Variants in SLC4A4 observed in about 807,000 individuals in gnomAD.
SLC4A4 encodes the protein solute carrier family 4 member 4, also known as electrogenic sodium bicarbonate cotransporter 1.
In SLC4A4, 27 loss-of-function variants were observed where a neutral mutation model predicts 111.5. The observed-to-expected ratio is 0.24, with a 90% CI of 0.18 to 0.33. The LOEUF (loss-of-function observed/expected upper bound fraction) is 0.33, where lower values mean the gene tolerates loss of function less well. Ranked by LOEUF, SLC4A4 falls within the 10% of genes least tolerant of loss-of-function variation. The pLI is 1.00. For synonymous variants in SLC4A4, 443 were observed against 463.4 expected (o/e 0.96, Z 0.57); for missense variants, 909 against 1,315.5 (o/e 0.69, Z 4.78).
intron 7 of SLC4A4, among the ~76,000 whole-genome samples, chr4:71,426,793 A>G (rs1723182812): frequency 2.0e-5 from 3 of 152,166 alleles, no homozygotes; most frequent in Admixed American, 1.3e-4. Flanking sequence ...GGGTAAAGGC[A>G]GGAAGATACC....
At position 71,216,052 on chromosome 4, in the gene SLC4A4, G is replaced by A. The variant is rs963547015; in HGVS notation, c.-1-20524G>A. Among the ~76,000 whole-genome samples the A allele has an allele frequency of 2.6e-5, 4 of 151,984 alleles. No individual in the cohort carries two copies. In the East Asian group the frequency reaches 7.7e-4, roughly 29 times the overall value. ...GCCTCCCAAGAAGCTGGGATTACAG[G>A]CGTGCACCACCAGGCCTGGCTAACT... is the stretch of plus-strand genomic sequence containing the variant. On this transcript the variant is annotated intron_variant, in intron 1 of 25. Coordinates refer to ENST00000264485, the MANE Select transcript of SLC4A4 (RefSeq NM_001098484.3).
At chr4:71,063,646 A>G (rs192680827) in intron 1 of SLC4A4, among the ~76,000 whole-genome samples, 73 of 152,272 alleles carry the variant, frequency 4.8e-4, no homozygotes, top group African/African-American at 1.7e-3. Context: ...ATTATTTTAC[A>G]TAACTGTATA....
intron 2 of SLC4A4, among the ~76,000 whole-genome samples, chr4:71,140,647 A>T (rs879689930): frequency 1.3e-5 from 2 of 152,158 alleles, no homozygotes; most frequent in Non-Finnish European, 2.9e-5. Flanking sequence ...TGCACCATTT[A>T]CACTGCATTA....
chr4:71,134,767 T>C (rs1394703455), intron 2 of SLC4A4, among the ~76,000 whole-genome samples: 1 of 152,228 alleles, frequency 6.6e-6, no homozygotes, highest in Non-Finnish European at 1.5e-5. Context: ...CACAAGGCTG[T>C]ACTAGTCCAC....
intron 7 of SLC4A4, among the ~76,000 whole-genome samples, chr4:71,438,363 G>A (rs1031258527): frequency 5.3e-5 from 8 of 152,166 alleles, no homozygotes; most frequent in Non-Finnish European, 1.2e-4. Flanking sequence ...GACTATGTGA[G>A]CTTCTTTTAA....
chr4:71,274,020 C>T lies in SLC4A4; in HGVS notation c.253+18621C>T, dbSNP rs531942324. 3.9e-4 allele frequency among the ~76,000 whole-genome samples: 59 copies of T among 152,182 alleles called. 1 individual carries two copies. The highest frequency in any genetic ancestry group is 3.4e-3 in the Middle Eastern group (1 of 294). On this transcript the variant is annotated intron_variant, in intron 3 of 25. Coordinates refer to ENST00000264485, the MANE Select transcript of SLC4A4 (RefSeq NM_001098484.3). ...GGAGTTAGGGGCACTGACCTAACAC[C>T]GTCAAATCTGTGTGTAACTGTTGAC...
chr4:71,095,074 A>C (rs1466103861), intron 2 of SLC4A4, among the ~76,000 whole-genome samples: 1 of 152,238 alleles, frequency 6.6e-6, no homozygotes, highest in East Asian at 1.9e-4. Flanking sequence ...TAATCAGCAT[A>C]ATCTTTTCAG....
chr4:71,510,886 AT>A (rs1731854759), intron 16 of SLC4A4, among the ~76,000 whole-genome samples: 4 of 151,540 alleles, frequency 2.6e-5, no homozygotes, highest in Non-Finnish European at 4.4e-5. Context: ...TCTTCTAGAG[AT>A]TTTTGCTTTG....
intron 3 of SLC4A4, among the ~76,000 whole-genome samples, chr4:71,328,475 G>T (rs1299225511): frequency 6.6e-6 from 1 of 151,872 alleles, no homozygotes; most frequent in Non-Finnish European, 1.5e-5. Context: ...CCACATCCTT[G>T]CCAGCATTCA....
intron 2 of SLC4A4, 78 bp downstream of exon 2, chr4:71,236,727 T>C: frequency 8.3e-7 from 1 of 1,203,062 alleles, no homozygotes; most frequent in Non-Finnish European, 1.2e-6. Flanking sequence ...GCATTTCATA[T>C]ATCTTACATT....
chr4:71,446,588 G>A (rs548205192), intron 8 of SLC4A4, among the ~76,000 whole-genome samples: 1 of 152,218 alleles, frequency 6.6e-6, no homozygotes, highest in South Asian at 2.1e-4. Flanking sequence ...ACCTCCACCA[G>A]CCTCATTTTC....
intron 2 of SLC4A4, among the ~76,000 whole-genome samples, chr4:71,139,179 TTGTGTGTGTGTG>T (rs57359640): frequency 0.018 from 2,636 of 144,534 alleles, 86 homozygotes; most frequent in African/African-American, 0.064. Context: ...TCCCTTTTCT[TTGTGTGTGTGTG>T]TGTGTGTGTG....
intron 6 of SLC4A4, among the ~76,000 whole-genome samples, chr4:71,391,457 A>G (rs754040634): frequency 5.3e-5 from 8 of 152,054 alleles, no homozygotes; most frequent in African/African-American, 1.9e-4. Context: ...ATTGTAACTA[A>G]TAGTTATAAT....
intron 2 of SLC4A4, among the ~76,000 whole-genome samples, chr4:71,174,934 A>G (rs10938136): frequency 0.81 from 123,450 of 152,140 alleles, 53,577 homozygotes; most frequent in Non-Finnish European, 0.95. Context: ...AATGGAGCCC[A>G]GGTGGGAAGT....
intron 12 of SLC4A4, among the ~76,000 whole-genome samples, chr4:71,465,911 C>A (rs1727266412): frequency 6.6e-6 from 1 of 151,996 alleles, no homozygotes; most frequent in African/African-American, 2.4e-5. Flanking sequence ...TTAGAAATTG[C>A]AGAATGGAGG....
At chr4:71,226,208 A>G (rs1340117062) in intron 1 of SLC4A4, among the ~76,000 whole-genome samples, 1 of 152,140 alleles carries the variant, frequency 6.6e-6, no homozygotes, top group Non-Finnish European at 1.5e-5. Context: ...CACAGGCACG[A>G]TTGTAACGCA....
intron 3 of SLC4A4, among the ~76,000 whole-genome samples, chr4:71,329,217 C>T (rs1018793029): frequency 1.3e-5 from 2 of 151,950 alleles, no homozygotes; most frequent in Non-Finnish European, 2.9e-5. Flanking sequence ...GTTTTGGTTA[C>T]TGTAGGTCTA....
chr4:71,472,995 A>T, intron 14 of SLC4A4, 25 bp downstream of exon 14: 1 of 1,612,562 alleles, frequency 6.2e-7, no homozygotes, highest in Non-Finnish European at 8.5e-7. Context: ...CTTTGTGTTT[A>T]TGCTCGCTTT....
intron 2 of SLC4A4, among the ~76,000 whole-genome samples, chr4:71,253,784 T>G (rs781602057): frequency 5.3e-5 from 8 of 152,176 alleles, no homozygotes; most frequent in South Asian, 2.1e-4. Flanking sequence ...AGAATTTCAC[T>G]GTGTTTTGTA....
Sources: allele counts gnomAD v4.1 joint callset (sites outside exome capture counted in the v4.1 genomes callset), GRCh38; gene constraint gnomAD v4.1.1; transcripts MANE v1.5; gene names NCBI Gene and HGNC (gene_info 2026-07-23, HGNC 2026-07-21).